TMEM184B: variants seen among roughly 807,000 people sequenced by gnomAD.
TMEM184B encodes the protein putative MAPK-activating protein FM08.
A neutral mutation model predicts 41.8 loss-of-function variants in TMEM184B; 17 were observed. The ratio of observed to expected loss-of-function variants is 0.41; its 90% CI spans 0.28 to 0.61. The LOEUF is 0.61. TMEM184B is among the 20% of genes least tolerant of loss of function. The probability of loss-of-function intolerance (pLI) is 0.34; values close to 1 mark genes in which losing one functional copy is unlikely to be tolerated. For missense variants in TMEM184B, 393 were observed against 557.8 expected (o/e 0.70, Z 2.98); for synonymous variants, 240 against 229.5 (o/e 1.05, Z -0.41).
At chr22:38,255,497 T>C (rs1357012114) in intron 1 of TMEM184B, among the ~76,000 whole-genome samples, 1 of 152,234 alleles carries the variant, frequency 6.6e-6, no homozygotes, top group Non-Finnish European at 1.5e-5. Flanking sequence ...AAAACTAACA[T>C]GCATTTACTA....
At chr22:38,244,883 C>A (rs753869646) in intron 3 of TMEM184B, among the ~76,000 whole-genome samples, 54 of 152,208 alleles carry the variant, frequency 3.5e-4, no homozygotes, top group Non-Finnish European at 6.2e-4. Context: ...CAGAGGCCAG[C>A]TCCCATGAGA....
intron 3 of TMEM184B, among the ~76,000 whole-genome samples, chr22:38,243,834 T>C (rs2091966769): frequency 6.6e-6 from 1 of 152,190 alleles, no homozygotes; most frequent in Non-Finnish European, 1.5e-5. Context: ...CGGCTCTGTC[T>C]GGGCATGGCT....
rs764081672 is a variant in TMEM184B, at chr22:38,225,000, G to A, written c.788-21C>T. The A allele has an allele frequency of 9.1e-6, 14 of 1,530,292 alleles. No individual in the cohort carries two copies. The Admixed American group carries it at 2.4e-4, about 27-fold the overall frequency. 94.8% of individuals were successfully genotyped at this position (1,530,292 alleles called of 1,614,324 possible). A position where few individuals can be genotyped will look rare whatever the true frequency, so the allele number is the denominator to read the frequency against. ...CATGCCTGGATGGGGAGGCACGGGT[G>A]TCTGGACCCAGAATGATTCCTTTCC... On this transcript the variant is annotated intron_variant, in intron 7 of 8. Transcript: ENST00000361906.
chr22:38,272,175 C>A (rs566143485), intron 1 of TMEM184B, among the ~76,000 whole-genome samples: 2 of 152,336 alleles, frequency 1.3e-5, no homozygotes, highest in South Asian at 4.1e-4. Context: ...AATCCATGCC[C>A]AACCCCCAGC....
intron 1 of TMEM184B, among the ~76,000 whole-genome samples, chr22:38,252,299 G>T (rs904199318): frequency 6.6e-6 from 1 of 152,090 alleles, no homozygotes; most frequent in Non-Finnish European, 1.5e-5. Flanking sequence ...GGGCTCAAGC[G>T]ATCCTCCCAT....
chr22:38,224,801 C>T lies in TMEM184B; in HGVS notation c.966G>A (p.Lys322=), dbSNP rs762589775. 4.4e-6 allele frequency: 7 copies of T among 1,603,452 alleles called. No individual in the cohort carries two copies. The highest frequency in any genetic ancestry group is 6.0e-6 in the Non-Finnish European group (7 of 1,172,660). ...HAFTYKVYAD[K]RLDAQGRCAP... ...GGCTCATACCTTGTGCGTCCAGCCT[C>T]TTGTCAGCATAGACCTTGTAGGTGA... Residue 322 remains lysine (K), a synonymous_variant, in exon 8 of 9, where the codon AAG becomes AAA. Transcript: ENST00000361906.
rs971210295 is a variant in TMEM184B at position 38,247,752 on chromosome 22, C to T, written c.192+18G>A. The T allele has an allele frequency of 1.2e-6, 2 of 1,605,118 alleles. No homozygotes were observed. Among genetic ancestry groups the T allele is most frequent in the African/African-American group, 1.3e-5 (1 of 74,910 alleles). On this transcript the variant is annotated intron_variant, in intron 2 of 8. Coordinates refer to ENST00000361906, the MANE Select transcript of TMEM184B (RefSeq NM_012264.5). ...CCTTTCTGGACCTTTCTAGAGGCCC[C>T]TTGCCAGGCTTGGGTACCTGGTGGC...
chr22:38,220,444 G>GC lies in TMEM184B; in HGVS notation c.*1024dup, dbSNP rs2091226660. The GC allele has an allele frequency of 1.0e-6, 1 of 985,732 alleles. No individual in the cohort carries two copies. Among genetic ancestry groups the GC allele is most frequent in the African/African-American group, 1.7e-5 (1 of 57,206 alleles). 61.1% of individuals were successfully genotyped at this position (985,732 alleles called of 1,614,324 possible). A position where few individuals can be genotyped will look rare whatever the true frequency, so the allele number is the denominator to read the frequency against. On this transcript the variant is annotated 3_prime_UTR_variant, in exon 9 of 9. Transcript: ENST00000361906. ...AACACCAGGCCCTGTGTGGATAGGG[G>GC]CCCCGAGAGGAGTCTGGGACCATTC...
In TMEM184B at chr22:38,247,932, C is replaced by T. The variant is rs781034434; in HGVS notation, c.30G>A (p.Pro10=). The change falls in exon 2 of 9, where the codon CCG becomes CCA. Residue 10 remains proline (P), a synonymous_variant. Transcript: ENST00000361906. The part of the protein sequence containing the change: MTVRGDVLA[P]DPASPTTAAA... ...CTGCGGTCGTGGGCGACGCTGGATC[C>T]GGGGCCAGCACATCCCCCCTCACTG... is the stretch of plus-strand genomic sequence containing the variant. 31 of 1,592,592 alleles carry T rather than the reference C, an allele frequency of 1.9e-5. No homozygotes were observed. The highest frequency in any genetic ancestry group is 9.0e-5 in the South Asian group (8 of 88,686).
intron 1 of TMEM184B, chr22:38,272,432 GC>G (rs994997928): frequency 8.2e-6 from 8 of 978,312 alleles, no homozygotes; most frequent in Non-Finnish European, 8.5e-6. Flanking sequence ...AGCCCCGAAA[GC>G]CCCCCGCCGA....
At chr22:38,218,887 C>T (rs2091183847), downstream of TMEM184B, among the ~76,000 whole-genome samples, 1 of 152,196 alleles carries the variant, frequency 6.6e-6, no homozygotes, top group Admixed American at 6.5e-5. Flanking sequence ...CGGCCCCCTG[C>T]CCCAGGGTCC....
intron 3 of TMEM184B, among the ~76,000 whole-genome samples, chr22:38,234,288 G>A (rs969827722): frequency 2.0e-5 from 3 of 152,144 alleles, no homozygotes; most frequent in Admixed American, 1.3e-4. Context: ...CAGCGGGGAA[G>A]CACGAGCTAG....
At chr22:38,243,252 AAG>A (rs2091954083) in intron 3 of TMEM184B, among the ~76,000 whole-genome samples, 1 of 152,142 alleles carries the variant, frequency 6.6e-6, no homozygotes, top group Non-Finnish European at 1.5e-5. Flanking sequence ...GGCCTGAACA[AAG>A]AGGCTTCTGG....
At chr22:38,230,596 G>C (rs987949871) in intron 5 of TMEM184B, 73 bp downstream of exon 5, 1 of 1,505,430 alleles carries the variant, frequency 6.6e-7, no homozygotes, top group Non-Finnish European at 9.1e-7. Flanking sequence ...GTGGGGCCCA[G>C]GGCAGCCCAC....
rs769191213 is a variant in TMEM184B at position 38,246,043 on chromosome 22, T to C, written c.250A>G (p.Ile84Val). The C allele has an allele frequency of 4.3e-6, 7 of 1,613,504 alleles. No homozygotes were observed. Among genetic ancestry groups the C allele is most frequent in the Non-Finnish European group, 5.9e-6 (7 of 1,179,998 alleles). Residue 84 changes from isoleucine to valine, a missense_variant, in exon 3 of 9, where the codon ATC becomes GTC. Ile to Val is a conservative substitution (Grantham distance 29, BLOSUM62 3). Transcript: ENST00000361906. Reference sequence around the variant, plus strand: ...GCGTAGATGGGCACGATGAAGAGGATGCGCACGATGTAGCGCTGCTCGTTG... The same window carrying C: ...GCGTAGATGGGCACGATGAAGAGGACGCGCACGATGTAGCGCTGCTCGTTG... ...CPNEQRYIVR[I>V]LFIVPIYAFD...
rs1054995159 is a variant in TMEM184B at position 38,220,945 on chromosome 22, C to A, written c.*524G>T. 15 of 988,456 alleles carry A rather than the reference C, an allele frequency of 1.5e-5. No individual in the cohort carries two copies. The African/African-American group carries it at 2.6e-4, about 17-fold the overall frequency. The allele number at this position is 988,456 out of a possible 1,614,324, so 61.2% of individuals were successfully genotyped here. A position where few individuals can be genotyped will look rare whatever the true frequency, so the allele number is the denominator to read the frequency against. The stretch of plus-strand genomic sequence containing the variant: ...GGCCTGGGTCAGGAGGGGAGGACCA[C>A]AGAGCGCCCACATCCCCACTCCTGC... On this transcript the variant is annotated 3_prime_UTR_variant, in exon 9 of 9. Coordinates refer to ENST00000361906, the MANE Select transcript of TMEM184B (RefSeq NM_012264.5).
At position 38,232,266 on chromosome 22, in the gene TMEM184B, C is replaced by T. The variant is rs552971296; in HGVS notation, c.359-932G>A. 2.9e-3 allele frequency: 447 copies of T among 152,318 alleles called. 3 individuals are homozygous for T. Among genetic ancestry groups the T allele is most frequent in the African/African-American group, 0.01 (427 of 41,566 alleles). 9.4% of individuals were successfully genotyped at this position (152,318 alleles called of 1,614,324 possible). Reference sequence around the variant, plus strand: ...CTGCTCATTCTAAATTGGGACTCGGCTCAACATCTCCACAAAGACCCAAAA... The same window carrying T: ...CTGCTCATTCTAAATTGGGACTCGGTTCAACATCTCCACAAAGACCCAAAA... On this transcript the variant is annotated intron_variant, in intron 3 of 8. Transcript: ENST00000361906.
At chr22:38,243,361 T>C (rs2091957549) in intron 3 of TMEM184B, among the ~76,000 whole-genome samples, 1 of 152,082 alleles carries the variant, frequency 6.6e-6, no homozygotes, top group Non-Finnish European at 1.5e-5. Context: ...CCTTCTGCCA[T>C]GCGCCTGTCT....
chr22:38,268,756 G>A (rs2092479381), intron 1 of TMEM184B, among the ~76,000 whole-genome samples: 1 of 152,210 alleles, frequency 6.6e-6, no homozygotes, highest in African/African-American at 2.4e-5. Flanking sequence ...GCCCGCCCAG[G>A]CGACAATGGC....
Sources: gnomAD v4.1 joint callset for allele counts (sites outside exome capture counted in the v4.1 genomes callset) on GRCh38, gnomAD v4.1.1 for gene constraint, MANE v1.5 for transcripts, NCBI Gene and HGNC (gene_info 2026-07-23, HGNC 2026-07-21) for gene names.